The following C7 variants were observed in gnomAD, a reference collection of about 807,000 sequenced individuals.
C7 encodes the protein complement C7, also known as complement component C7.
Under a neutral mutation model 104.8 loss-of-function variants are expected in C7, and 83 were observed. The ratio of observed to expected loss-of-function variants is 0.79; its 90% CI spans 0.66 to 0.95. The LOEUF (loss-of-function observed/expected upper bound fraction) is 0.95. C7 is among the 40% of genes least tolerant of loss of function. The pLI is 0.00. For missense variants in C7, 1,070 were observed against 1,011.2 expected, an observed-to-expected ratio of 1.06 and a Z score of -0.79; for synonymous variants, 415 against 360.6, an observed-to-expected ratio of 1.15 and a Z score of -1.71.
intron 10 of C7, among the ~76,000 whole-genome samples, chr5:40,957,077 T>C (rs1740303893): frequency 6.6e-6 from 1 of 152,244 alleles, no homozygotes; most frequent in African/African-American, 2.4e-5. Context: ...GCCATCGTGT[T>C]CGCAACAGCT....
At chr5:40,960,169 C>T (rs1422756512) in intron 12 of C7, among the ~76,000 whole-genome samples, 2 of 152,118 alleles carry the variant, frequency 1.3e-5, no homozygotes, top group Non-Finnish European at 2.9e-5. Context: ...TCCCATTTGT[C>T]AGGACCCTGC....
At chr5:40,921,294 T>C (rs1739433187) in intron 1 of C7, among the ~76,000 whole-genome samples, 1 of 152,036 alleles carries the variant, frequency 6.6e-6, no homozygotes, top group Non-Finnish European at 1.5e-5. Flanking sequence ...AAAACACTGA[T>C]GAACGTAATT....
At chr5:40,955,366 C>T (rs1740265450) in intron 9 of C7, 21 bp from the exon 10 acceptor site, 5 of 1,559,502 alleles carry the variant, frequency 3.2e-6, no homozygotes, top group Non-Finnish European at 4.3e-6. Flanking sequence ...TTTCACTTTT[C>T]ATTTGCTTTC....
At chr5:40,979,022 G>A (rs6451554) in intron 16 of C7, among the ~76,000 whole-genome samples, 26,571 of 151,242 alleles carry the variant, frequency 0.18, 2,428 homozygotes, top group African/African-American at 0.23. Context: ...TGGGATTACA[G>A]GTGTGCGCCA....
In C7 at chr5:40,980,685, A is replaced by C. The variant is rs111374133; in HGVS notation, c.2351-707A>C. Among the ~76,000 whole-genome samples the C allele has an allele frequency of 9.2e-3, 1,401 of 152,256 alleles. 49 individuals carry two copies. The East Asian group carries it at 0.13, about 14-fold the overall frequency. ...TCTGTAAATTTAGGAGCTGGACTCT[A>C]TGACTTGTAAGGTCTCTGTCGTCTC... On this transcript the variant is annotated intron_variant, in intron 17 of 17. Transcript: ENST00000313164.
At chr5:40,974,400 T>C (rs1325282122) in intron 15 of C7, among the ~76,000 whole-genome samples, 2 of 148,058 alleles carry the variant, frequency 1.4e-5, no homozygotes, top group Admixed American at 6.8e-5. Context: ...TTTTTTTTTT[T>C]CCACAAAGAC....
At chr5:40,972,195 GT>G in intron 14 of C7, 1 of 592,886 alleles carries the variant, frequency 1.7e-6, no homozygotes, top group Non-Finnish European at 3.0e-6. Flanking sequence ...AGGGGGAGCT[GT>G]TTTGGTTTTT....
chr5:40,975,235 A>C (rs572806140), intron 15 of C7, among the ~76,000 whole-genome samples: 6 of 152,184 alleles, frequency 3.9e-5, no homozygotes, highest in Non-Finnish European at 7.3e-5. Flanking sequence ...TATTAGTACA[A>C]TGCTATTGAC....
intron 14 of C7, among the ~76,000 whole-genome samples, chr5:40,965,303 C>A (rs1339402773): frequency 1.3e-5 from 2 of 152,126 alleles, no homozygotes; most frequent in African/African-American, 2.4e-5. Flanking sequence ...ATCTCTCTTG[C>A]AATATAAGTT....
chr5:40,928,563 T>C lies in C7; in HGVS notation c.7-17T>C, dbSNP rs745807455. On this transcript the variant is annotated splice_polypyrimidine_tract_variant and intron_variant, in intron 1 of 17. Coordinates refer to ENST00000313164, the MANE Select transcript of C7 (RefSeq NM_000587.4). Reference sequence around the variant, plus strand: ...AAATGCAAGCTAAAATAATACTTTATTGTTTTTCTTCTCCAGGTGATAAGC... The same window carrying C: ...AAATGCAAGCTAAAATAATACTTTACTGTTTTTCTTCTCCAGGTGATAAGC... The C allele has an allele frequency of 3.0e-5, 42 of 1,416,236 alleles. No individual in the cohort carries two copies. The South Asian group carries it at 5.4e-4, about 18-fold the overall frequency. The allele number at this position is 1,416,236 out of a possible 1,614,324, so 87.7% of individuals were successfully genotyped here.
rs1209482609 is a variant in C7 at position 40,919,967 on chromosome 5, T to G, written c.7-8613T>G. Among the ~76,000 whole-genome samples, 4 of 151,704 alleles carry G rather than the reference T, an allele frequency of 2.6e-5. No homozygotes were observed. The Middle Eastern group carries it at 0.01, about 390-fold the overall frequency. On this transcript the variant is annotated intron_variant, in intron 1 of 17. Coordinates refer to ENST00000313164, the MANE Select transcript of C7 (RefSeq NM_000587.4). Reference sequence around the variant, plus strand: ...AGAATAAACTAAGCCAAAGTTAGCATAAGAAAGGAAATAATAAAAATCAGA... The same window carrying G: ...AGAATAAACTAAGCCAAAGTTAGCAGAAGAAAGGAAATAATAAAAATCAGA...
chr5:40,956,436 C>T (rs376699876), intron 10 of C7, among the ~76,000 whole-genome samples: 16 of 152,296 alleles, frequency 1.1e-4, no homozygotes, highest in Admixed American at 4.6e-4. Context: ...TGTGTGTCAA[C>T]GCACATGCGT....
rs751734713 is a variant in C7 at position 40,947,745 on chromosome 5, A to G, written c.882A>G (p.Arg294=). 3.1e-6 allele frequency: 5 copies of G among 1,613,796 alleles called. No individual in the cohort carries two copies. In the East Asian group the frequency reaches 8.9e-5, roughly 29 times the overall value. The change falls in exon 8 of 18, where the codon AGA becomes AGG. Residue 294 remains arginine (R), a synonymous_variant. Coordinates refer to ENST00000313164, the MANE Select transcript of C7 (RefSeq NM_000587.4). ...PSLYDYSAYR[R]LIDQYGTHYL... ...TGTATGACTACAGTGCCTACCGAAG[A>G]TTAATCGACCAGTACGGGACACATT...
chr5:40,935,728 T>G (rs891199386), intron 4 of C7, among the ~76,000 whole-genome samples: 1 of 152,168 alleles, frequency 6.6e-6, no homozygotes, highest in Non-Finnish European at 1.5e-5. Context: ...AGGAACTAGA[T>G]CATCTGGTAC....
intron 14 of C7, chr5:40,967,720 CT>C: frequency 5.5e-6 from 1 of 181,172 alleles, no homozygotes; most frequent in South Asian, 1.3e-4. Flanking sequence ...CACTTAGTAT[CT>C]TTTAAAGTAG....
rs1740019072 is a variant in C7, at chr5:40,945,206, A to C, written c.576A>C (p.Ile192=). The C allele has an allele frequency of 1.2e-5, 18 of 1,474,702 alleles. No homozygotes were observed. Among genetic ancestry groups the C allele is most frequent in the Non-Finnish European group, 1.6e-5 (18 of 1,094,986 alleles). The allele number at this position is 1,474,702 out of a possible 1,614,324, so 91.4% of individuals were successfully genotyped here. A position where few individuals can be genotyped will look rare whatever the true frequency, so the allele number is the denominator to read the frequency against. Residue 192 remains isoleucine (I), a synonymous_variant, in exon 7 of 18, where the codon ATA becomes ATC. Transcript: ENST00000313164. ...NVLSYTFQVK[I]NNDFNYEFYN... ...TTTCATTTTCTTTGTAGGTGAAAAT[A>C]AATAATGATTTTAATTATGAATTTT...
At chr5:40,964,030 T>TGG (rs1740488994) in intron 13 of C7, among the ~76,000 whole-genome samples, 2 of 124,072 alleles carry the variant, frequency 1.6e-5, no homozygotes, top group African/African-American at 5.9e-5. Context: ...CTTTTTTTTT[T>TGG]TTTTTTTTTT....
intron 1 of C7, among the ~76,000 whole-genome samples, chr5:40,925,124 C>T (rs1739524947): frequency 6.6e-6 from 1 of 152,178 alleles, no homozygotes; most frequent in South Asian, 2.1e-4. Context: ...CTTTTGTACT[C>T]TGCTTCCCTT....
intron 1 of C7, among the ~76,000 whole-genome samples, chr5:40,922,374 CAAAAAAA>C (rs869109946): frequency 3.0e-4 from 13 of 43,082 alleles, no homozygotes; most frequent in South Asian, 1.1e-3. Flanking sequence ...GACTCTGTCT[CAAAAAAA>C]AAAAAAAAAA....
Sources: gnomAD v4.1 joint callset for allele counts (sites outside exome capture counted in the v4.1 genomes callset) on GRCh38, gnomAD v4.1.1 for gene constraint, MANE v1.5 for transcripts, NCBI Gene and HGNC (gene_info 2026-07-23, HGNC 2026-07-21) for gene names.